GRID2: variants seen among roughly 807,000 people sequenced by gnomAD.
The protein encoded by GRID2 is glutamate receptor ionotropic, delta-2.
GRID2 carries 33 observed loss-of-function variants against 114.8 expected under a neutral mutation model. The observed-to-expected ratio is 0.29, with a 90% CI of 0.22 to 0.38. The LOEUF is 0.38. Ranked by LOEUF, GRID2 falls within the 10% of genes least tolerant of loss-of-function variation. The pLI is 1.00. For missense variants in GRID2, 1,184 were observed against 1,257.7 expected, an observed-to-expected ratio of 0.94 and a Z score of 0.89; for synonymous variants, 505 against 449.9, an observed-to-expected ratio of 1.12 and a Z score of -1.55.
intron 2 of GRID2, among the ~76,000 whole-genome samples, chr4:92,780,489 C>T (rs1266283458): frequency 2.0e-5 from 3 of 152,002 alleles, no homozygotes; most frequent in Non-Finnish European, 4.4e-5. Flanking sequence ...ATTTTTATTA[C>T]ATAACTTTTG....
chr4:92,514,288 A>G (rs1242858996), intron 1 of GRID2, among the ~76,000 whole-genome samples: 1 of 151,890 alleles, frequency 6.6e-6, no homozygotes, highest in East Asian at 1.9e-4. Flanking sequence ...AAATCACTTT[A>G]TAATCACTTT....
intron 14 of GRID2, among the ~76,000 whole-genome samples, chr4:93,695,998 A>ATAAC (rs1452949307): frequency 6.6e-6 from 1 of 152,238 alleles, no homozygotes; most frequent in Non-Finnish European, 1.5e-5. Context: ...AAACCACACT[A>ATAAC]TAACTTCACA....
Position 92,965,615 on chromosome 4 carries a change from TAAG to T in GRID2, c.245-119375_245-119373del, listed in dbSNP as rs569649274. Among the ~76,000 whole-genome samples, 657 of 151,982 alleles carry T rather than the reference TAAG, an allele frequency of 4.3e-3. 2 individuals are homozygous for T. The highest frequency in any genetic ancestry group is 8.3e-3 in the South Asian group (40 of 4,826). On this transcript the variant is annotated intron_variant, in intron 2 of 15. Transcript: ENST00000282020. ...TGCAATCTCACTTCTATTATGGGTC[TAAG>T]AAGAGTTGCTGGCCTTCTGTGTGTT...
chr4:92,512,250 T>C (rs767842757), intron 1 of GRID2, among the ~76,000 whole-genome samples: 10 of 151,914 alleles, frequency 6.6e-5, no homozygotes, highest in South Asian at 2.1e-4. Flanking sequence ...TGTTATAACA[T>C]ATTTTACTTA....
chr4:92,521,865 T>G (rs1724799554), intron 1 of GRID2, among the ~76,000 whole-genome samples: 1 of 151,994 alleles, frequency 6.6e-6, no homozygotes, highest in Admixed American at 6.6e-5. Context: ...TGGTGCAGCA[T>G]TTTGTAAAAT....
At chr4:92,669,344 T>C (rs567781507) in intron 2 of GRID2, among the ~76,000 whole-genome samples, 2 of 151,990 alleles carry the variant, frequency 1.3e-5, no homozygotes, top group East Asian at 3.9e-4. Context: ...ATATAACAAA[T>C]ACATCAACTG....
chr4:93,421,691 C>T (rs1304554348), intron 9 of GRID2, among the ~76,000 whole-genome samples: 2 of 152,088 alleles, frequency 1.3e-5, no homozygotes, highest in East Asian at 3.9e-4. Context: ...AAATTTATCT[C>T]ATAGCAATTT....
intron 2 of GRID2, among the ~76,000 whole-genome samples, chr4:92,981,385 A>G (rs886733342): frequency 6.6e-6 from 1 of 152,084 alleles, no homozygotes; most frequent in African/African-American, 2.4e-5. Flanking sequence ...ATTATTGATC[A>G]TTATCTAGTT....
intron 1 of GRID2, among the ~76,000 whole-genome samples, chr4:92,410,196 A>G (rs1385298011): frequency 6.6e-6 from 1 of 152,086 alleles, no homozygotes; most frequent in Non-Finnish European, 1.5e-5. Context: ...ACACGCTTCA[A>G]CTTCTTTGTG....
chr4:92,601,354 T>C (rs966832344), intron 2 of GRID2, among the ~76,000 whole-genome samples: 1 of 152,164 alleles, frequency 6.6e-6, no homozygotes, highest in African/African-American at 2.4e-5. Context: ...AGTGAACTCA[T>C]ATTCAAACTC....
In GRID2 at chr4:93,772,186, T is replaced by G; in HGVS notation, c.2712T>G (p.Pro904=). ...CCACCTCGTCAATTGATTTGACCCCTCTGGACATTGACACTTTGCCAACAC... is the reference window on the plus strand; with the variant it reads ...CCACCTCGTCAATTGATTTGACCCCGCTGGACATTGACACTTTGCCAACAC... The part of the protein sequence containing the change: ...QFSTSSIDLT[P]LDIDTLPTRQ... The change falls in exon 16 of 16, where the codon CCT becomes CCG. Residue 904 remains proline (P), a synonymous_variant. Coordinates refer to ENST00000282020, the MANE Select transcript of GRID2 (RefSeq NM_001510.4). 1 of 1,613,970 alleles carries G rather than the reference T, an allele frequency of 6.2e-7. No individual in the cohort carries two copies. Among genetic ancestry groups the G allele is most frequent in the Non-Finnish European group, 8.5e-7 (1 of 1,179,888 alleles).
intron 2 of GRID2, among the ~76,000 whole-genome samples, chr4:92,636,994 A>T (rs139556656): frequency 3.0e-3 from 452 of 152,096 alleles, no homozygotes; most frequent in African/African-American, 9.8e-3. Flanking sequence ...CATCAAAGTA[A>T]TCAGCCTAAT....
chr4:93,043,116 G>A (rs898898628), intron 2 of GRID2, among the ~76,000 whole-genome samples: 1 of 152,098 alleles, frequency 6.6e-6, no homozygotes, highest in African/African-American at 2.4e-5. Context: ...AGATTAACTA[G>A]CATAAGAGAC....
At chr4:93,601,712 G>T (rs995506079) in intron 13 of GRID2, among the ~76,000 whole-genome samples, 4 of 152,022 alleles carry the variant, frequency 2.6e-5, no homozygotes, top group Middle Eastern at 3.2e-3. Context: ...TTGTTCCTCT[G>T]TCTTTAAACT....
intron 2 of GRID2, among the ~76,000 whole-genome samples, chr4:92,770,899 C>T (rs565649980): frequency 1.8e-4 from 27 of 152,186 alleles, no homozygotes; most frequent in African/African-American, 2.6e-4. Context: ...CACATACAAT[C>T]GCCATTTTTT....
chr4:93,481,456 G>A (rs1158529039), intron 11 of GRID2, among the ~76,000 whole-genome samples: 1 of 152,034 alleles, frequency 6.6e-6, no homozygotes, highest in South Asian at 2.1e-4. Context: ...AGGATAAAGA[G>A]AGTTCTTCAA....
At chr4:92,397,107 C>T (rs1389606684) in intron 1 of GRID2, among the ~76,000 whole-genome samples, 3 of 151,836 alleles carry the variant, frequency 2.0e-5, no homozygotes, top group Admixed American at 6.6e-5. Context: ...TGAATCATTA[C>T]ATTCTTGAAA....
chr4:92,660,910 C>A (rs1239841103), intron 2 of GRID2, among the ~76,000 whole-genome samples: 2 of 151,020 alleles, frequency 1.3e-5, no homozygotes, highest in Non-Finnish European at 3.0e-5. Flanking sequence ...TCAAGTTAGT[C>A]ATTTTATGAT....
intron 2 of GRID2, among the ~76,000 whole-genome samples, chr4:92,961,920 G>T (rs1752844972): frequency 6.6e-6 from 1 of 151,290 alleles, no homozygotes; most frequent in Non-Finnish European, 1.5e-5. Flanking sequence ...TTAAGCTCAG[G>T]TAGTCTTCTC....
Sources: gnomAD v4.1 joint callset for allele counts (sites outside exome capture counted in the v4.1 genomes callset) on GRCh38, gnomAD v4.1.1 for gene constraint, MANE v1.5 for transcripts, NCBI Gene and HGNC (gene_info 2026-07-23, HGNC 2026-07-21) for gene names.